NR4A1: variants seen among roughly 807,000 people sequenced by gnomAD.
The protein encoded by NR4A1 is nuclear receptor subfamily 4immunitygroup A member 1.
Under a neutral mutation model 47.5 loss-of-function variants are expected in NR4A1, and 24 were observed. The observed-to-expected ratio is 0.50, with a 90% CI of 0.37 to 0.71. The LOEUF is 0.71. Among genes scored for constraint, NR4A1 ranks in the 30% least tolerant of loss-of-function variants. NR4A1 has a pLI of 0.00. For missense variants in NR4A1, 669 were observed against 788.6 expected (o/e 0.85, Z 1.82); for synonymous variants, 353 against 345.7 (o/e 1.02, Z -0.24).
intron 1 of NR4A1, among the ~76,000 whole-genome samples, chr12:52,029,631 T>A (rs935213808): frequency 2.6e-5 from 4 of 152,074 alleles, no homozygotes; most frequent in African/African-American, 9.7e-5. Flanking sequence ...GAGGCTGCAA[T>A]GAGCTATGGT....
chr12:52,028,770 G>C (rs1024934146), intron 1 of NR4A1, among the ~76,000 whole-genome samples: 1 of 151,912 alleles, frequency 6.6e-6, no homozygotes, highest in African/African-American at 2.4e-5. Context: ...TGGGCGTGGT[G>C]GTGGGCGCTT....
chr12:52,042,369 G>C (rs750355008), intron 2 of NR4A1, among the ~76,000 whole-genome samples: 1 of 152,038 alleles, frequency 6.6e-6, no homozygotes, highest in Non-Finnish European at 1.5e-5. Context: ...TGAAGGGAAG[G>C]CTGGGACCTC....
At chr12:52,046,061 C>G (rs538946764) in intron 2 of NR4A1, among the ~76,000 whole-genome samples, 10 of 152,322 alleles carry the variant, frequency 6.6e-5, no homozygotes, top group African/African-American at 2.2e-4. Context: ...TCTGCCCACC[C>G]CAGGGGAAGG....
chr12:52,037,753 G>A (rs1443194269), intron 1 of NR4A1: 1 of 985,528 alleles, frequency 1.0e-6, no homozygotes, highest in Non-Finnish European at 1.2e-6. Context: ...CAGGAGCGCG[G>A]GAGCTCGTCT....
intron 2 of NR4A1, chr12:52,055,806 A>T: frequency 1.4e-5 from 6 of 419,446 alleles, no homozygotes; most frequent in Non-Finnish European, 2.1e-5. Flanking sequence ...TGTCCTGGGG[A>T]CTTCCTCAGA....
intron 1 of NR4A1, chr12:52,053,378 C>T (rs1173726199): frequency 6.6e-6 from 1 of 152,116 alleles, no homozygotes; most frequent in East Asian, 1.9e-4. Context: ...TTCCACCCAC[C>T]CACCAGCAGG....
At position 52,055,048 on chromosome 12, in the gene NR4A1, T is replaced by C; in HGVS notation, c.720T>C (p.Leu240=). ...GTTTGGCACCCACTTCTCCACACCT[T>C]GAGGGCTCGGGGATACTGGATACAC... ...FPGLAPTSPH[L]EGSGILDTPV... is the part of the protein sequence containing the mutation. The change falls in exon 2 of 7, where the codon CTT becomes CTC. Residue 240 remains leucine, a synonymous_variant. Coordinates refer to ENST00000394825, the MANE Select transcript of NR4A1 (RefSeq NM_173157.3). 2 of 1,614,234 alleles carry C rather than the reference T, an allele frequency of 1.2e-6. No homozygotes were observed. Among genetic ancestry groups the C allele is most frequent in the Non-Finnish European group, 1.7e-6 (2 of 1,180,030 alleles).
intron 1 of NR4A1, among the ~76,000 whole-genome samples, chr12:52,040,740 C>T (rs1419835664): frequency 6.6e-6 from 1 of 152,164 alleles, no homozygotes; most frequent in Non-Finnish European, 1.5e-5. Context: ...GGGCAAAGGT[C>T]AGGTGGGTGA....
chr12:52,048,023 A>G (rs150480158), upstream of NR4A1, among the ~76,000 whole-genome samples: 457 of 151,828 alleles, frequency 3.0e-3, 11 homozygotes, highest in African/African-American at 9.7e-3. Flanking sequence ...GTGTGGTGGC[A>G]GGCACCTGTC....
At chr12:52,056,898 C>G in intron 4 of NR4A1, 159 bp from the exon 5 acceptor site, 1 of 837,002 alleles carries the variant, frequency 1.2e-6, no homozygotes, top group Non-Finnish European at 1.8e-6. Context: ...AGCTGCAGCC[C>G]TGGGTTAATA....
At chr12:52,056,310 G>A in intron 3 of NR4A1, 151 bp downstream of exon 3, 1 of 1,364,574 alleles carries the variant, frequency 7.3e-7, no homozygotes, top group Non-Finnish European at 9.9e-7. Context: ...GAGGGAGGCA[G>A]CCTACACCTG....
upstream of NR4A1, among the ~76,000 whole-genome samples, chr12:52,048,397 A>G (rs372770106): frequency 1.3e-5 from 2 of 151,990 alleles, no homozygotes; most frequent in Non-Finnish European, 2.9e-5. Context: ...GATCAAGACC[A>G]TCCTGGCTAA....
intron 1 of NR4A1, among the ~76,000 whole-genome samples, chr12:52,027,398 G>A (rs2120908710): frequency 6.6e-6 from 1 of 152,372 alleles, no homozygotes; most frequent in Admixed American, 6.5e-5. Context: ...GTGATTCTGT[G>A]TCTGGACATT....
intron 2 of NR4A1, among the ~76,000 whole-genome samples, chr12:52,042,613 A>C (rs911950742): frequency 1.3e-5 from 2 of 152,060 alleles, no homozygotes; most frequent in Admixed American, 1.3e-4. Context: ...CAAGCCCAGA[A>C]CCATGCCTCC....
chr12:52,055,434 G>A, intron 2 of NR4A1: 3 of 618,734 alleles, frequency 4.8e-6, no homozygotes, highest in Non-Finnish European at 5.6e-6. Flanking sequence ...GAGCTGGAGG[G>A]AGGGGTGAGA....
intron 2 of NR4A1, 105 bp downstream of exon 2, chr12:52,055,309 C>T (rs748787131): frequency 6.8e-7 from 1 of 1,471,348 alleles, no homozygotes; most frequent in Non-Finnish European, 9.2e-7. Context: ...CTAGCTAAGT[C>T]CTGTCCTGCA....
chr12:52,057,565 T>C, intron 6 of NR4A1, 35 bp downstream of exon 6: 1 of 1,610,462 alleles, frequency 6.2e-7, no homozygotes, highest in South Asian at 1.1e-5. Flanking sequence ...TCCAAGGGAA[T>C]GGGCGTCAGG....
chr12:52,051,160 C>T (rs1419679129), upstream of NR4A1, among the ~76,000 whole-genome samples: 3 of 152,330 alleles, frequency 2.0e-5, no homozygotes, highest in East Asian at 5.8e-4. Context: ...TTAGCGGGCG[C>T]GGCGGGCGCG....
upstream of NR4A1, among the ~76,000 whole-genome samples, chr12:52,047,230 G>T (rs144621473): frequency 5.6e-4 from 86 of 152,284 alleles, no homozygotes; most frequent in East Asian, 0.016. Flanking sequence ...GACTTGGAGG[G>T]GTGTGTGCTG....
Sources: allele counts gnomAD v4.1 joint callset (sites outside exome capture counted in the v4.1 genomes callset), GRCh38; gene constraint gnomAD v4.1.1; transcripts MANE v1.5; gene names NCBI Gene and HGNC (gene_info 2026-07-23, HGNC 2026-07-21).